The following ANO6 variants were observed in gnomAD, a reference collection of about 807,000 sequenced individuals.
ANO6 encodes the protein anoctamin 6.
ANO6 carries 106 observed loss-of-function variants against 117.5 expected under a neutral mutation model. The observed-to-expected ratio is 0.90, with a 90% confidence interval of 0.77 to 1.06. The LOEUF (loss-of-function observed/expected upper bound fraction) is 1.06. Ranked by LOEUF, ANO6 falls within the 50% of genes least tolerant of loss-of-function variation. ANO6 has a pLI of 0.00. For missense variants in ANO6, 955 were observed against 1,121.1 expected, an observed-to-expected ratio of 0.85 and a Z score of 2.12; for synonymous variants, 367 against 385.1, an observed-to-expected ratio of 0.95 and a Z score of 0.55.
chr12:45,240,879 C>G (rs923711252), intron 1 of ANO6, among the ~76,000 whole-genome samples: 2 of 152,118 alleles, frequency 1.3e-5, no homozygotes, highest in Non-Finnish European at 2.9e-5. Flanking sequence ...AATATTGGCC[C>G]CCACTCTTTT....
intron 1 of ANO6, among the ~76,000 whole-genome samples, chr12:45,301,347 G>A (rs573393958): frequency 9.2e-5 from 14 of 152,008 alleles, no homozygotes; most frequent in African/African-American, 3.4e-4. Flanking sequence ...ATCTCAGCAC[G>A]TTGGGAGGCT....
intron 1 of ANO6, among the ~76,000 whole-genome samples, chr12:45,270,108 C>T (rs1251430052): frequency 6.6e-6 from 1 of 152,208 alleles, no homozygotes; most frequent in Non-Finnish European, 1.5e-5. Flanking sequence ...GTCCTGAGAG[C>T]TCATCTCATC....
At chr12:45,246,810 G>T (rs983100694) in intron 1 of ANO6, among the ~76,000 whole-genome samples, 1 of 148,128 alleles carries the variant, frequency 6.8e-6, no homozygotes, top group African/African-American at 2.5e-5. Flanking sequence ...TGTTACCCAG[G>T]TTGGAGCGCA....
At chr12:45,353,687 A>G (rs1254811969) in intron 7 of ANO6, among the ~76,000 whole-genome samples, 1 of 152,186 alleles carries the variant, frequency 6.6e-6, no homozygotes, top group Non-Finnish European at 1.5e-5. Flanking sequence ...CCAAAAAGCA[A>G]ACCAAACTGG....
At chr12:45,398,094 C>T (rs1170383608) in intron 12 of ANO6, among the ~76,000 whole-genome samples, 1 of 152,056 alleles carries the variant, frequency 6.6e-6, no homozygotes, top group African/African-American at 2.4e-5. Context: ...TATTTCTATA[C>T]ATCAAAAGTA....
rs540932613 is a variant in ANO6 at position 45,287,205 on chromosome 12, G to C, written c.71-14809G>C. Among the ~76,000 whole-genome samples the C allele has an allele frequency of 2.0e-5, 3 of 152,294 alleles. No individual in the cohort carries two copies. The East Asian group carries it at 5.8e-4, about 29-fold the overall frequency. On this transcript the variant is annotated intron_variant, in intron 1 of 19. Coordinates refer to ENST00000320560, the MANE Select transcript of ANO6 (RefSeq NM_001025356.3). ...TTAGAATTTCAGGGACAACCTCTCT[G>C]AGACAGGGATATTGAACAGAGAGCT...
chr12:45,404,000 C>G (rs993296753), intron 15 of ANO6, among the ~76,000 whole-genome samples: 2 of 151,962 alleles, frequency 1.3e-5, no homozygotes, highest in African/African-American at 4.8e-5. Context: ...ACCAAACTAT[C>G]CTTATTTTTA....
chr12:45,347,418 A>G (rs1261097202), intron 4 of ANO6: 5 of 311,714 alleles, frequency 1.6e-5, no homozygotes, highest in African/African-American at 1.1e-4. Context: ...TAAGGAAAAT[A>G]ATCTGTATCT....
At chr12:45,308,411 C>T (rs1222339820) in intron 2 of ANO6, among the ~76,000 whole-genome samples, 1 of 151,884 alleles carries the variant, frequency 6.6e-6, no homozygotes, top group Non-Finnish European at 1.5e-5. Flanking sequence ...GGTTTTCATT[C>T]ACCAGTGAAA....
chr12:45,373,662 A>G (rs1941914932), intron 9 of ANO6, among the ~76,000 whole-genome samples: 2 of 152,222 alleles, frequency 1.3e-5, no homozygotes, highest in African/African-American at 2.4e-5. Context: ...TTTGAAACCA[A>G]TGAGAACAAA....
At position 45,429,595 on chromosome 12, in the gene ANO6, C is replaced by CCA; in HGVS notation, c.*286_*287dup. ...AAAAGTCCCTCAGTGTGCTTAAAAA[C>CCA]CACCCCTTCTAAAGTAGAATGGATT... On this transcript the variant is annotated 3_prime_UTR_variant, in exon 20 of 20. Transcript: ENST00000320560. The CCA allele has an allele frequency of 8.1e-7, 1 of 1,230,152 alleles. No individual in the cohort carries two copies. Among genetic ancestry groups the CCA allele is most frequent in the Non-Finnish European group, 1.0e-6 (1 of 976,746 alleles). The allele number at this position is 1,230,152 out of a possible 1,614,324, so 76.2% of individuals were successfully genotyped here.
intron 10 of ANO6, among the ~76,000 whole-genome samples, chr12:45,383,675 C>G (rs1038735624): frequency 3.3e-5 from 5 of 152,136 alleles, no homozygotes; most frequent in African/African-American, 1.2e-4. Context: ...TGCCAATGAG[C>G]AGTAATTTTT....
intron 15 of ANO6, among the ~76,000 whole-genome samples, chr12:45,403,973 T>C (rs1942867484): frequency 6.6e-6 from 1 of 152,184 alleles, no homozygotes; most frequent in Non-Finnish European, 1.5e-5. Context: ...TATATATATA[T>C]ATACATCATT....
intron 1 of ANO6, among the ~76,000 whole-genome samples, chr12:45,221,302 G>A (rs1413443875): frequency 1.3e-5 from 2 of 152,194 alleles, no homozygotes; most frequent in African/African-American, 4.8e-5. Context: ...ATCAGACAGA[G>A]ATTTGCAATA....
At chr12:45,297,670 A>G (rs576629678) in intron 1 of ANO6, among the ~76,000 whole-genome samples, 127 of 152,330 alleles carry the variant, frequency 8.3e-4, no homozygotes, top group Admixed American at 3.1e-3. Flanking sequence ...AGTACCACCA[A>G]GGACTTTATT....
intron 2 of ANO6, among the ~76,000 whole-genome samples, chr12:45,314,743 G>A (rs1939965907): frequency 6.6e-6 from 1 of 151,956 alleles, no homozygotes; most frequent in Non-Finnish European, 1.5e-5. Flanking sequence ...CACAGAAATG[G>A]AGAGTAATCT....
intron 1 of ANO6, among the ~76,000 whole-genome samples, chr12:45,229,139 T>C (rs1243999760): frequency 2.6e-5 from 4 of 152,234 alleles, no homozygotes; most frequent in East Asian, 3.9e-4. Context: ...TAAGTACTTA[T>C]GGAGATTAAA....
At chr12:45,396,694 A>G (rs887601867) in intron 12 of ANO6, among the ~76,000 whole-genome samples, 2 of 152,204 alleles carry the variant, frequency 1.3e-5, no homozygotes, top group African/African-American at 4.8e-5. Context: ...ATCTACAACC[A>G]TTTGATCTTT....
chr12:45,417,042 A>G (rs1239173043), intron 17 of ANO6, 138 bp downstream of exon 17: 3 of 815,234 alleles, frequency 3.7e-6, no homozygotes, highest in Non-Finnish European at 5.9e-6. Context: ...TATAGTTGCT[A>G]TATATAACCA....
Sources: allele counts gnomAD v4.1 joint callset (sites outside exome capture counted in the v4.1 genomes callset), GRCh38; gene constraint gnomAD v4.1.1; transcripts MANE v1.5; gene names NCBI Gene and HGNC (gene_info 2026-07-23, HGNC 2026-07-21).